Variants in DTNB observed in about 807,000 individuals in gnomAD.
DTNB encodes DTN-B.
A neutral mutation model predicts 90.7 loss-of-function variants in DTNB; 63 were observed. The observed-to-expected ratio is 0.69, with a 90% CI of 0.57 to 0.86. The LOEUF is 0.86. DTNB is among the 40% of genes least tolerant of loss of function. The pLI is 0.00. For synonymous variants in DTNB, 277 were observed against 286.7 expected, an observed-to-expected ratio of 0.97 and a Z score of 0.34; for missense variants, 744 against 807.1, an observed-to-expected ratio of 0.92 and a Z score of 0.95.
At chr2:25,635,947 C>T (rs1375406031) in intron 3 of DTNB, among the ~76,000 whole-genome samples, 1 of 152,168 alleles carries the variant, frequency 6.6e-6, no homozygotes, top group Admixed American at 6.5e-5. Flanking sequence ...CCAGGGAACA[C>T]AAGAGGGTCA....
intron 1 of DTNB, among the ~76,000 whole-genome samples, chr2:25,671,437 T>C (rs1163456753): frequency 6.6e-6 from 1 of 152,220 alleles, no homozygotes; most frequent in Non-Finnish European, 1.5e-5. Flanking sequence ...TTGTAGAACC[T>C]AGGCACCTCT....
At chr2:25,508,500 T>A (rs1252560108) in intron 9 of DTNB, among the ~76,000 whole-genome samples, 1 of 150,184 alleles carries the variant, frequency 6.7e-6, no homozygotes, top group Non-Finnish European at 1.5e-5. Flanking sequence ...TTCTTTTTTG[T>A]TTGTTTTTTT....
chr2:25,659,074 C>T (rs2082633067), intron 1 of DTNB, among the ~76,000 whole-genome samples: 1 of 151,486 alleles, frequency 6.6e-6, no homozygotes. Context: ...AAAGAGTGAA[C>T]CTTAATGCAT....
chr2:25,568,686 C>T (rs1413297577), intron 8 of DTNB, among the ~76,000 whole-genome samples: 2 of 152,204 alleles, frequency 1.3e-5, no homozygotes, highest in Non-Finnish European at 2.9e-5. Context: ...GATTACAAGG[C>T]TTTATCCCAT....
At chr2:25,384,906 G>A (rs1026012162) in intron 18 of DTNB, among the ~76,000 whole-genome samples, 1 of 150,712 alleles carries the variant, frequency 6.6e-6, no homozygotes, top group African/African-American at 2.4e-5. Flanking sequence ...TTGAGATGGA[G>A]TTTTGCTCAT....
chr2:25,655,840 C>T (rs537458199), intron 1 of DTNB, among the ~76,000 whole-genome samples: 10 of 152,220 alleles, frequency 6.6e-5, no homozygotes, highest in South Asian at 4.2e-4. Flanking sequence ...CTGACATACA[C>T]GCCTGTCAGG....
intron 1 of DTNB, among the ~76,000 whole-genome samples, chr2:25,669,606 G>C (rs529031220): frequency 6.6e-6 from 1 of 152,294 alleles, no homozygotes; most frequent in South Asian, 2.1e-4. Flanking sequence ...GGATGCATTT[G>C]CAACACACAG....
intron 15 of DTNB, chr2:25,426,708 A>G (rs1288583053): frequency 1.3e-5 from 2 of 152,192 alleles, no homozygotes; most frequent in Admixed American, 1.3e-4. Context: ...CTTTACCTCC[A>G]TGACTGTGTG....
At chr2:25,413,685 G>T (rs929588131) in intron 16 of DTNB, among the ~76,000 whole-genome samples, 30 of 151,852 alleles carry the variant, frequency 2.0e-4, no homozygotes, top group African/African-American at 7.3e-4. Context: ...CAAGTCTTTG[G>T]ACATTTGGGT....
At position 25,646,573 on chromosome 2, in the gene DTNB, T is replaced by C. The variant is rs551453460; in HGVS notation, c.67+6021A>G. ...AGAAAACGCTAGTCTCCACAACCTC[T>C]TATTGCAACCCAGACATTCCTTTCT... On this transcript the variant is annotated intron_variant, in intron 2 of 20. Coordinates refer to ENST00000406818, the MANE Select transcript of DTNB (RefSeq NM_021907.5). 1.6e-4 allele frequency among the ~76,000 whole-genome samples: 24 copies of C among 152,318 alleles called. No individual in the cohort carries two copies. The South Asian group carries it at 3.7e-3, about 24-fold the overall frequency.
intron 9 of DTNB, among the ~76,000 whole-genome samples, chr2:25,494,209 G>T (rs574905196): frequency 6.6e-6 from 1 of 152,190 alleles, no homozygotes; most frequent in Non-Finnish European, 1.5e-5. Flanking sequence ...TGCAAATAAA[G>T]AAATAAAAGT....
rs58871909 is a variant in DTNB, at chr2:25,503,053, CAAAAAAAAAAAAAAAAAAA to C, written c.1002-20199_1002-20181del. ...AGAGTGACAGAGCAAGACCCTATCTCAAAAAAAAAAAAAAAAAAAAAAAAAAAAAAAAAAAAAAGTCCAG... is the reference window on the plus strand; with the variant it reads ...AGAGTGACAGAGCAAGACCCTATCTCAAAAAAAAAAAAAAAAAAAGTCCAG... On this transcript the variant is annotated intron_variant, in intron 9 of 20. Coordinates refer to ENST00000406818, the MANE Select transcript of DTNB (RefSeq NM_021907.5). Among the ~76,000 whole-genome samples the C allele has an allele frequency of 3.9e-3, 60 of 15,356 alleles. No homozygotes were observed. The South Asian group carries it at 0.073, about 19-fold the overall frequency. The allele number at this position is 15,356 out of a possible 152,430, so 10.1% of individuals were successfully genotyped here.
chr2:25,412,752 A>G (rs1200789654), intron 16 of DTNB, among the ~76,000 whole-genome samples: 2 of 152,226 alleles, frequency 1.3e-5, no homozygotes, highest in African/African-American at 4.8e-5. Context: ...TCCAGCAGTG[A>G]AATTTTATGG....
chr2:25,470,369 ATTTTTTTTT>A (rs71397496), intron 10 of DTNB, among the ~76,000 whole-genome samples: 1 of 132,780 alleles, frequency 7.5e-6, no homozygotes, highest in Non-Finnish European at 1.6e-5. Flanking sequence ...TTACACGACA[ATTTTTTTTT>A]TTTTTTTTTT....
At chr2:25,542,884 C>T (rs1283368322) in intron 8 of DTNB, among the ~76,000 whole-genome samples, 1 of 151,530 alleles carries the variant, frequency 6.6e-6, no homozygotes, top group Non-Finnish European at 1.5e-5. Flanking sequence ...TTTTTTGAGG[C>T]TTCCTTTATG....
At chr2:25,659,988 G>A (rs535462632) in intron 1 of DTNB, among the ~76,000 whole-genome samples, 13 of 152,192 alleles carry the variant, frequency 8.5e-5, no homozygotes, top group African/African-American at 2.2e-4. Context: ...GTCCATGAAC[G>A]TATGAAAACT....
chr2:25,560,428 T>C (rs1321592937), intron 8 of DTNB, among the ~76,000 whole-genome samples: 1 of 152,164 alleles, frequency 6.6e-6, no homozygotes, highest in Non-Finnish European at 1.5e-5. Flanking sequence ...CACCCAATCA[T>C]TTGAAGGCCT....
chr2:25,430,591 A>G (rs1317070759), intron 14 of DTNB, among the ~76,000 whole-genome samples: 1 of 152,206 alleles, frequency 6.6e-6, no homozygotes, highest in Non-Finnish European at 1.5e-5. Flanking sequence ...ATTTCTATTA[A>G]GCTTAGAAAA....
intron 2 of DTNB, 69 bp from the exon 3 acceptor site, chr2:25,639,163 C>A (rs1010168892): frequency 5.5e-6 from 8 of 1,445,758 alleles, no homozygotes; most frequent in Non-Finnish European, 7.5e-6. Flanking sequence ...GGAAATGACT[C>A]CATTCTATTG....
Sources: allele counts gnomAD v4.1 joint callset (sites outside exome capture counted in the v4.1 genomes callset), GRCh38; gene constraint gnomAD v4.1.1; transcripts MANE v1.5; gene names NCBI Gene and HGNC (gene_info 2026-07-23, HGNC 2026-07-21).